The following FAF1 variants were observed in gnomAD, a reference collection of about 807,000 sequenced individuals.
FAF1 encodes the protein Fas associated factor 1, also known as FAS-associated factor 1.
In FAF1, 25 loss-of-function variants were observed where a neutral mutation model predicts 92.5. That is an observed-to-expected ratio of 0.27 (90% CI 0.20 to 0.38). The LOEUF is 0.38. Among genes scored for constraint, FAF1 ranks in the 10% least tolerant of loss-of-function variants. The pLI is 1.00. For synonymous variants in FAF1, 234 were observed against 273.2 expected (o/e 0.86, Z 1.42); for missense variants, 636 against 793.3 (o/e 0.80, Z 2.38).
At chr1:50,684,558 G>C (rs985325852) in intron 7 of FAF1, among the ~76,000 whole-genome samples, 5 of 152,022 alleles carry the variant, frequency 3.3e-5, no homozygotes, top group Non-Finnish European at 7.4e-5. Flanking sequence ...CCGGTAAATG[G>C]CTCTCCCAAA....
At chr1:50,462,887 G>T (rs1414356657) in intron 18 of FAF1, among the ~76,000 whole-genome samples, 1 of 152,150 alleles carries the variant, frequency 6.6e-6, no homozygotes, top group Non-Finnish European at 1.5e-5. Context: ...CTCCAGAAGT[G>T]AATTTGAGAC....
At chr1:50,830,234 C>T (rs1377495351) in intron 2 of FAF1, among the ~76,000 whole-genome samples, 1 of 152,334 alleles carries the variant, frequency 6.6e-6, no homozygotes, top group Admixed American at 6.5e-5. Flanking sequence ...TCTGCTGCCT[C>T]AGCCTCCAGT....
intron 1 of FAF1, among the ~76,000 whole-genome samples, chr1:50,887,428 G>A (rs1644676584): frequency 1.3e-5 from 2 of 152,178 alleles, no homozygotes; most frequent in African/African-American, 4.8e-5. Context: ...TGCTTTTGGT[G>A]TTTTAGACAT....
intron 4 of FAF1, among the ~76,000 whole-genome samples, chr1:50,751,619 G>A (rs577594946): frequency 1.3e-5 from 2 of 152,310 alleles, no homozygotes; most frequent in South Asian, 4.1e-4. Flanking sequence ...TGGGATTACA[G>A]GCGTGAGCCA....
At chr1:50,839,706 C>T (rs1023688881) in intron 2 of FAF1, among the ~76,000 whole-genome samples, 15 of 151,986 alleles carry the variant, frequency 9.9e-5, no homozygotes, top group Non-Finnish European at 1.3e-4. Flanking sequence ...TGGACAAAAA[C>T]TAGTAATTGA....
chr1:50,942,098 T>G (rs1645138413), intron 1 of FAF1, among the ~76,000 whole-genome samples: 1 of 152,236 alleles, frequency 6.6e-6, no homozygotes, highest in Non-Finnish European at 1.5e-5. Flanking sequence ...CCCCTCCATG[T>G]TCTCCATCTT....
intron 15 of FAF1, among the ~76,000 whole-genome samples, chr1:50,494,812 G>A (rs896675349): frequency 2.0e-5 from 3 of 152,098 alleles, no homozygotes; most frequent in South Asian, 2.1e-4. Flanking sequence ...TTTATTGGAT[G>A]AATAAATGGA....
At chr1:50,873,380 G>T (rs1644544314) in intron 1 of FAF1, among the ~76,000 whole-genome samples, 1 of 152,072 alleles carries the variant, frequency 6.6e-6, no homozygotes, top group Non-Finnish European at 1.5e-5. Flanking sequence ...CTGGGTAAAT[G>T]GTCACCTTTT....
chr1:50,439,228 G>A lies in FAF1; in HGVS notation c.*2212C>T, dbSNP rs899105554. 9 of 152,232 alleles carry A rather than the reference G, an allele frequency of 5.9e-5. No homozygotes were observed. The highest frequency in any genetic ancestry group is 5.9e-4 in the Admixed American group (9 of 15,280). The allele number at this position is 152,232 out of a possible 1,614,324, so 9.4% of individuals were successfully genotyped here. The stretch of plus-strand genomic sequence containing the variant: ...GGACACTGCTATTTCTGTGGTGATG[G>A]GAAGTCATTTTAATGCTCTGCTTGT... On this transcript the variant is annotated 3_prime_UTR_variant, in exon 19 of 19. Transcript: ENST00000396153.
chr1:50,567,256 C>A, intron 12 of FAF1, 25 bp from the exon 13 acceptor site: 1 of 1,550,732 alleles, frequency 6.4e-7, no homozygotes, highest in South Asian at 1.2e-5. Flanking sequence ...AAAATCTGAT[C>A]AATTAAAATA....
At chr1:50,466,051 T>C (rs1335376740) in intron 18 of FAF1, among the ~76,000 whole-genome samples, 1 of 151,770 alleles carries the variant, frequency 6.6e-6, no homozygotes, top group Non-Finnish European at 1.5e-5. Flanking sequence ...TAAAAAAAAA[T>C]CGCTGTCTTT....
intron 9 of FAF1, among the ~76,000 whole-genome samples, chr1:50,590,050 G>A (rs1295372696): frequency 6.6e-6 from 1 of 152,148 alleles, no homozygotes; most frequent in African/African-American, 2.4e-5. Context: ...GTCTAGCACT[G>A]TACTGTTGAG....
chr1:50,555,735 C>T (rs1394986201), intron 13 of FAF1, among the ~76,000 whole-genome samples: 1 of 151,916 alleles, frequency 6.6e-6, no homozygotes, highest in Admixed American at 6.6e-5. Context: ...GTAGATCTAC[C>T]ATTTGATTCA....
chr1:50,832,978 T>C (rs992902027), intron 2 of FAF1, among the ~76,000 whole-genome samples: 3 of 152,184 alleles, frequency 2.0e-5, no homozygotes, highest in African/African-American at 7.2e-5. Flanking sequence ...AGACAGGATC[T>C]GCAGAGAAGA....
intron 1 of FAF1, among the ~76,000 whole-genome samples, chr1:50,872,963 A>C (rs946740309): frequency 6.6e-6 from 1 of 152,170 alleles, no homozygotes; most frequent in Non-Finnish European, 1.5e-5. Flanking sequence ...TCATGAAAGA[A>C]GGCCAACCAA....
chr1:50,549,245 T>C (rs1293983054), intron 13 of FAF1, among the ~76,000 whole-genome samples: 2 of 152,154 alleles, frequency 1.3e-5, no homozygotes, highest in Non-Finnish European at 2.9e-5. Context: ...AATCTATCTA[T>C]ATATTTAACG....
intron 18 of FAF1, among the ~76,000 whole-genome samples, chr1:50,452,569 G>A (rs555191396): frequency 7.2e-5 from 11 of 152,328 alleles, no homozygotes; most frequent in African/African-American, 2.6e-4. Context: ...TACCACGGAA[G>A]CAGCCAGGAC....
intron 13 of FAF1, among the ~76,000 whole-genome samples, chr1:50,552,222 G>A (rs558211733): frequency 2.6e-5 from 4 of 151,948 alleles, no homozygotes; most frequent in South Asian, 2.1e-4. Context: ...GCTTGAACCC[G>A]GGAGGTGGAG....
At chr1:50,668,238 C>G (rs1275007199) in intron 7 of FAF1, among the ~76,000 whole-genome samples, 2 of 152,198 alleles carry the variant, frequency 1.3e-5, no homozygotes, top group Non-Finnish European at 2.9e-5. Flanking sequence ...CCAGTGTTTG[C>G]ATTTGGGGCC....
Sources: allele counts gnomAD v4.1 joint callset (sites outside exome capture counted in the v4.1 genomes callset), GRCh38; gene constraint gnomAD v4.1.1; transcripts MANE v1.5; gene names NCBI Gene and HGNC (gene_info 2026-07-23, HGNC 2026-07-21).